The following CRISP2 variants were observed in gnomAD, a reference collection of about 807,000 sequenced individuals.
CRISP2 encodes cysteine rich secretory protein 2.
Under a neutral mutation model 31.7 loss-of-function variants are expected in CRISP2, and 29 were observed. The observed-to-expected ratio is 0.92, with a 90% CI of 0.68 to 1.25. The LOEUF (loss-of-function observed/expected upper bound fraction) is 1.25, where lower values mean the gene tolerates loss of function less well. CRISP2 is among the 50% of genes most tolerant of loss of function. The pLI is 0.00. For synonymous variants in CRISP2, 111 were observed against 101.4 expected, an observed-to-expected ratio of 1.09 and a Z score of -0.57; for missense variants, 318 against 286.5, an observed-to-expected ratio of 1.11 and a Z score of -0.79.
At chr6:49,682,601 TTC>T in the CRISP2 span, among the ~76,000 whole-genome samples, 3 of 62,574 alleles carry the variant, frequency 4.8e-5, no homozygotes, top group African/African-American at 2.2e-4. Context: ...CTTTCTTTCT[TTC>T]TTTCTTTCTT....
intron 8 of CRISP2, 152 bp downstream of exon 8, chr6:49,697,708 T>A: frequency 5.2e-6 from 8 of 1,524,586 alleles, no homozygotes; most frequent in Non-Finnish European, 7.1e-6. Flanking sequence ...CTCTGAGAAG[T>A]TGAAAGTGTC....
At chr6:49,678,901 T>A in the CRISP2 span, among the ~76,000 whole-genome samples, 1 of 152,178 alleles carries the variant, frequency 6.6e-6, no homozygotes, top group African/African-American at 2.4e-5. Context: ...ATGTCTGTTG[T>A]ATGCCACAGA....
At chr6:49,695,647 A>G (rs750909852) in intron 9 of CRISP2, among the ~76,000 whole-genome samples, 189 bp downstream of exon 9, 6 of 152,234 alleles carry the variant, frequency 3.9e-5, no homozygotes, top group Non-Finnish European at 7.3e-5. Flanking sequence ...TATGCTTTTC[A>G]TTACAAATAA....
At chr6:49,707,035 C>G (rs968140843) in intron 4 of CRISP2, among the ~76,000 whole-genome samples, 1 of 152,122 alleles carries the variant, frequency 6.6e-6, no homozygotes, top group Non-Finnish European at 1.5e-5. Flanking sequence ...GGTTTCATCT[C>G]AAAACACATA....
At chr6:49,689,736 T>A (rs1369728186), downstream of CRISP2, among the ~76,000 whole-genome samples, 4 of 152,286 alleles carry the variant, frequency 2.6e-5, no homozygotes, top group Admixed American at 2.0e-4. Context: ...TAAAGTATAC[T>A]CTGAGTAAAT....
In CRISP2 at chr6:49,700,651, A is replaced by C; in HGVS notation, c.183+17T>G. On this transcript the variant is annotated intron_variant, in intron 5 of 9. Transcript: ENST00000339139. Reference sequence around the variant, plus strand: ...ACAGCTGATTCACACCCATCTCCTTACAGCACTGCCTCTTACCATCTTTAG... The same window carrying C: ...ACAGCTGATTCACACCCATCTCCTTCCAGCACTGCCTCTTACCATCTTTAG... 1 of 1,498,010 alleles carries C rather than the reference A, an allele frequency of 6.7e-7. No individual in the cohort carries two copies. Among genetic ancestry groups the C allele is most frequent in the Non-Finnish European group, 9.3e-7 (1 of 1,075,136 alleles). 92.8% of individuals were successfully genotyped at this position (1,498,010 alleles called of 1,614,324 possible). A position where few individuals can be genotyped will look rare whatever the true frequency, so the allele number is the denominator to read the frequency against.
At chr6:49,689,491 C>T (rs1763983435), downstream of CRISP2, among the ~76,000 whole-genome samples, 3 of 151,834 alleles carry the variant, frequency 2.0e-5, no homozygotes, top group South Asian at 4.2e-4. Context: ...TCATTATGTG[C>T]CAAGCAGTAT....
At chr6:49,685,595 T>C in the CRISP2 span, among the ~76,000 whole-genome samples, 4 of 152,192 alleles carry the variant, frequency 2.6e-5, no homozygotes, top group Admixed American at 2.6e-4. Flanking sequence ...TATTCATTTG[T>C]TCAGTCGTAA....
At chr6:49,698,276 A>T in intron 7 of CRISP2, 86 bp downstream of exon 7, 1 of 1,456,210 alleles carries the variant, frequency 6.9e-7, no homozygotes, top group Non-Finnish European at 9.5e-7. Flanking sequence ...GTTCTCCTAA[A>T]TTGAACATTA....
intron 4 of CRISP2, among the ~76,000 whole-genome samples, chr6:49,702,314 G>A (rs1766226762): frequency 6.7e-6 from 1 of 150,164 alleles, no homozygotes; most frequent in Admixed American, 6.7e-5. Context: ...CTTTTCCTCT[G>A]AGTAGATACT....
chr6:49,682,770 C>T, the CRISP2 span, among the ~76,000 whole-genome samples: 6 of 144,656 alleles, frequency 4.1e-5, no homozygotes, highest in Non-Finnish European at 6.0e-5. Context: ...TCCTTCCTCC[C>T]TCCCTTCCCT....
chr6:49,688,399 T>C (rs1162770438), downstream of CRISP2, among the ~76,000 whole-genome samples: 1 of 152,128 alleles, frequency 6.6e-6, no homozygotes, highest in Non-Finnish European at 1.5e-5. Flanking sequence ...ATACAGAATA[T>C]AAATACAAAT....
At chr6:49,699,473 A>G (rs1181592242) in intron 6 of CRISP2, among the ~76,000 whole-genome samples, 1 of 152,074 alleles carries the variant, frequency 6.6e-6, no homozygotes, top group African/African-American at 2.4e-5. Context: ...CTAGTATGAC[A>G]CTGTTTCAGA....
At chr6:49,710,126 G>A (rs192879112) in intron 3 of CRISP2, among the ~76,000 whole-genome samples, 15 of 152,222 alleles carry the variant, frequency 9.9e-5, no homozygotes, top group Admixed American at 3.9e-4. Context: ...AGAAAATTCC[G>A]AACAATTTAT....
the CRISP2 span, among the ~76,000 whole-genome samples, chr6:49,684,411 A>G: frequency 0.74 from 111,849 of 152,036 alleles, 41,907 homozygotes; most frequent in East Asian, 0.97. Flanking sequence ...CCATCTGTAT[A>G]GTACTTTTTT....
intron 9 of CRISP2, among the ~76,000 whole-genome samples, chr6:49,693,477 A>C (rs375035589): frequency 2.0e-5 from 3 of 152,236 alleles, no homozygotes; most frequent in South Asian, 4.2e-4. Flanking sequence ...TAAAAGTGTA[A>C]AACAAGGACA....
At chr6:49,708,002 G>A (rs1767363568) in intron 4 of CRISP2, among the ~76,000 whole-genome samples, 1 of 151,598 alleles carries the variant, frequency 6.6e-6, no homozygotes, top group African/African-American at 2.4e-5. Flanking sequence ...TTAGAGTTAG[G>A]GTTTTTGTTT....
At chr6:49,699,942 A>G (rs762155561) in intron 5 of CRISP2, 51 bp from the exon 6 acceptor site, 1 of 1,447,460 alleles carries the variant, frequency 6.9e-7, no homozygotes, top group Admixed American at 1.7e-5. Context: ...CCACAATGAA[A>G]CATACACTTT....
intron 8 of CRISP2, among the ~76,000 whole-genome samples, chr6:49,697,181 A>G (rs116682487): frequency 0.011 from 1,748 of 152,308 alleles, 22 homozygotes; most frequent in African/African-American, 0.039. Flanking sequence ...TCTTCTTAAA[A>G]TATCCATAGG....
Sources: gnomAD v4.1 joint callset for allele counts (sites outside exome capture counted in the v4.1 genomes callset) on GRCh38, gnomAD v4.1.1 for gene constraint, MANE v1.5 for transcripts, NCBI Gene and HGNC (gene_info 2026-07-23, HGNC 2026-07-21) for gene names.